The following MCPH1 variants were observed in gnomAD, a reference collection of about 807,000 sequenced individuals.
The protein encoded by MCPH1 is microcephalin 1, also known as microcephalin.
Under a neutral mutation model 84.5 loss-of-function variants are expected in MCPH1, and 104 were observed. That is an observed-to-expected ratio of 1.23 (90% CI 1.05 to 1.45). The LOEUF is 1.45. Among genes scored for constraint, MCPH1 ranks in the 40% most tolerant of loss-of-function variants. MCPH1 has a pLI of 0.00. For missense variants in MCPH1, 1,498 were observed against 1,005.7 expected (o/e 1.49, Z -6.62); for synonymous variants, 514 against 366.8 (o/e 1.40, Z -4.58).
chr8:6,595,769 G>A (rs1190705144), intron 12 of MCPH1, among the ~76,000 whole-genome samples: 1 of 152,214 alleles, frequency 6.6e-6, no homozygotes, highest in Non-Finnish European at 1.5e-5. Flanking sequence ...TCCGGCTGCT[G>A]CACAGGGAAG....
chr8:6,535,519 T>C (rs1328963230), intron 12 of MCPH1, among the ~76,000 whole-genome samples: 2 of 152,250 alleles, frequency 1.3e-5, no homozygotes, highest in Admixed American at 6.5e-5. Context: ...TGTCCATTTA[T>C]GTTAATCTTA....
intron 3 of MCPH1, among the ~76,000 whole-genome samples, chr8:6,429,791 CCA>C (rs1801577449): frequency 6.6e-6 from 1 of 152,072 alleles, no homozygotes; most frequent in African/African-American, 2.4e-5. Flanking sequence ...GCGTCTCCTG[CCA>C]CAGTTATTGC....
rs759874234 is a variant in MCPH1, at chr8:6,414,817, A to T, written c.167A>T (p.Tyr56Phe). Residue 56 changes from tyrosine (Y) to phenylalanine (F), a missense_variant, in exon 3 of 14, where the codon TAC (tyrosine) becomes TTC (phenylalanine). Coordinates refer to ENST00000344683, the MANE Select transcript of MCPH1 (RefSeq NM_024596.5). ...QVTHVIFKDG[Y>F]QSTWDKAQKR... The stretch of plus-strand genomic sequence containing the variant: ...ACTCACGTTATCTTCAAAGATGGCT[A>T]CCAGAGCACTTGGGACAAAGCTCAG... The T allele has an allele frequency of 1.2e-6, 2 of 1,613,790 alleles. No homozygotes were observed. Among genetic ancestry groups the T allele is most frequent in the Admixed American group, 3.3e-5 (2 of 59,966 alleles).
rs117562179 is a variant in MCPH1 at position 6,589,599 on chromosome 8, G to A, written c.2215-31855G>A. ...GGAAGGGTGCTAAGCTTCAGTGACT[G>A]CCTACTGTGTGCCAGGCATTTTCAT... On this transcript the variant is annotated intron_variant, in intron 12 of 13. Coordinates refer to ENST00000344683, the MANE Select transcript of MCPH1 (RefSeq NM_024596.5). Among the ~76,000 whole-genome samples, 985 of 152,308 alleles carry A rather than the reference G, an allele frequency of 6.5e-3. 5 individuals are homozygous for A. Among genetic ancestry groups the A allele is most frequent in the Middle Eastern group, 0.024 (7 of 294 alleles).
At chr8:6,465,931 C>CCATCCATCCATCCATA (rs1806846177) in intron 9 of MCPH1, among the ~76,000 whole-genome samples, 2 of 113,916 alleles carry the variant, frequency 1.8e-5, no homozygotes, top group Non-Finnish European at 3.9e-5. Flanking sequence ...ATCGATCCAT[C>CCATCCATCCATCCATA]CATCCATCCA....
At chr8:6,596,568 G>A (rs28477757) in intron 12 of MCPH1, among the ~76,000 whole-genome samples, 10,628 of 152,220 alleles carry the variant, frequency 0.07, 418 homozygotes, top group Non-Finnish European at 0.089. Flanking sequence ...AAGGAAGCCA[G>A]ACTCTGGAGC....
chr8:6,427,419 T>G (rs1801217035), intron 3 of MCPH1, among the ~76,000 whole-genome samples: 1 of 152,230 alleles, frequency 6.6e-6, no homozygotes, highest in African/African-American at 2.4e-5. Context: ...TCTCCCAGGC[T>G]GGAGTGAAGT....
intron 12 of MCPH1, among the ~76,000 whole-genome samples, chr8:6,619,512 A>C (rs1046580845): frequency 1.4e-4 from 21 of 152,032 alleles, no homozygotes; most frequent in African/African-American, 5.1e-4. Context: ...ACCGGTCTCG[A>C]ACTCCTGACC....
rs758843237 is a variant in MCPH1 at position 6,480,875 on chromosome 8, G to C, written c.2135G>C (p.Trp712Ser). The C allele has an allele frequency of 6.2e-7, 1 of 1,613,894 alleles. No homozygotes were observed. Among genetic ancestry groups the C allele is most frequent in the Non-Finnish European group, 8.5e-7 (1 of 1,180,034 alleles). Residue 712 changes from tryptophan (W) to serine (S), a missense_variant and splice_region_variant, in exon 11 of 14, where the codon TGG becomes TCG. By Grantham distance (177) the Trp-to-Ser change is radical. Transcript: ENST00000344683. ...GGCTGCTGGGTTCTCTCTTATGATT[G>C]GGTAAGCCCTGTGTGTGAACTGCGT... Reference protein sequence around the residue: ...ARGCWVLSYDWVLWSLELGHW... With the variant: ...ARGCWVLSYDSVLWSLELGHW...
chr8:6,631,092 T>C (rs953251419), intron 13 of MCPH1, among the ~76,000 whole-genome samples: 1 of 152,236 alleles, frequency 6.6e-6, no homozygotes, highest in South Asian at 2.1e-4. Flanking sequence ...GAAAGCCATC[T>C]TCAAGCCCGC....
intron 12 of MCPH1, among the ~76,000 whole-genome samples, chr8:6,564,705 G>A (rs1219015740): frequency 1.3e-5 from 2 of 152,172 alleles, no homozygotes; most frequent in South Asian, 2.1e-4. Flanking sequence ...CTAACCGAAA[G>A]ACAGCCTTTC....
intron 12 of MCPH1, among the ~76,000 whole-genome samples, chr8:6,556,219 C>A (rs1168894402): frequency 1.3e-5 from 2 of 152,018 alleles, no homozygotes; most frequent in African/African-American, 4.8e-5. Flanking sequence ...ATAAGTACTA[C>A]AGCATATACA....
At position 6,426,835 on chromosome 8, in the gene MCPH1, T is replaced by C. The variant is rs11994686; in HGVS notation, c.234-4664T>C. Among the ~76,000 whole-genome samples, 899 of 152,190 alleles carry C rather than the reference T, an allele frequency of 5.9e-3. 15 individuals are homozygous for C. The highest frequency in any genetic ancestry group is 0.021 in the African/African-American group (872 of 41,532). ...TAGTGGTATTTCATGGTTTTTTTTTTCCCAACATTGTTTTAAGATCTAATT... is the reference window on the plus strand; with the variant it reads ...TAGTGGTATTTCATGGTTTTTTTTTCCCCAACATTGTTTTAAGATCTAATT... On this transcript the variant is annotated intron_variant, in intron 3 of 13. Coordinates refer to ENST00000344683, the MANE Select transcript of MCPH1 (RefSeq NM_024596.5).
At chr8:6,545,638 G>A (rs1005750713) in intron 12 of MCPH1, among the ~76,000 whole-genome samples, 2 of 152,164 alleles carry the variant, frequency 1.3e-5, no homozygotes, top group Admixed American at 6.6e-5. Context: ...AAGCATAAAA[G>A]GCATTTGCTC....
At chr8:6,543,116 C>G (rs1821909019) in intron 12 of MCPH1, among the ~76,000 whole-genome samples, 1 of 152,088 alleles carries the variant, frequency 6.6e-6, no homozygotes, top group African/African-American at 2.4e-5. Context: ...CACCCCCAGC[C>G]AAGACTTTCT....
At chr8:6,608,970 T>G (rs192595769) in intron 12 of MCPH1, among the ~76,000 whole-genome samples, 1 of 152,170 alleles carries the variant, frequency 6.6e-6, no homozygotes, top group African/African-American at 2.4e-5. Flanking sequence ...AGGATGAGCT[T>G]CTCCTCTGAA....
At position 6,611,853 on chromosome 8, in the gene MCPH1, C is replaced by T. The variant is rs187863340; in HGVS notation, c.2215-9601C>T. Among the ~76,000 whole-genome samples the T allele has an allele frequency of 9.1e-4, 139 of 152,272 alleles. 2 individuals carry two copies. Among genetic ancestry groups the T allele is most frequent in the South Asian group, 4.8e-3 (23 of 4,828 alleles). Reference sequence around the variant, plus strand: ...CAGGATGGTCTCGGTCTCCTGACCTCGTGATCCACCCACCTCGGCCTCCCA... The same window carrying T: ...CAGGATGGTCTCGGTCTCCTGACCTTGTGATCCACCCACCTCGGCCTCCCA... On this transcript the variant is annotated intron_variant, in intron 12 of 13. Transcript: ENST00000344683.
chr8:6,476,657 C>A (rs1281552897), intron 9 of MCPH1, among the ~76,000 whole-genome samples: 1 of 152,144 alleles, frequency 6.6e-6, no homozygotes, highest in Non-Finnish European at 1.5e-5. Context: ...TCCCCAAATA[C>A]GTAGTATACA....
chr8:6,600,924 C>G (rs1344767939), intron 12 of MCPH1, among the ~76,000 whole-genome samples: 2 of 152,182 alleles, frequency 1.3e-5, no homozygotes, highest in African/African-American at 2.4e-5. Context: ...ACTTAACACA[C>G]TTCCATGCAC....
Sources: allele counts gnomAD v4.1 joint callset (sites outside exome capture counted in the v4.1 genomes callset), GRCh38; gene constraint gnomAD v4.1.1; transcripts MANE v1.5; gene names NCBI Gene and HGNC (gene_info 2026-07-23, HGNC 2026-07-21).